Variants in RIPOR2 observed in about 807,000 individuals in gnomAD.
The protein encoded by RIPOR2 is RHO family interacting cell polarization regulator 2.
Under a neutral mutation model 114.5 loss-of-function variants are expected in RIPOR2, and 39 were observed. That is an observed-to-expected ratio of 0.34 (90% CI 0.26 to 0.44). The LOEUF is 0.44. Ranked by LOEUF, RIPOR2 falls within the 20% of genes least tolerant of loss-of-function variation. The probability of loss-of-function intolerance (pLI) is 1.00; values close to 1 mark genes in which losing one functional copy is unlikely to be tolerated. For missense variants in RIPOR2, 1,007 were observed against 1,255.1 expected, an observed-to-expected ratio of 0.80 and a Z score of 2.99; for synonymous variants, 445 against 484.4, an observed-to-expected ratio of 0.92 and a Z score of 1.07.
chr6:25,031,719 A>G (rs536501612), intron 1 of RIPOR2, among the ~76,000 whole-genome samples: 22 of 96,080 alleles, frequency 2.3e-4, no homozygotes, highest in South Asian at 9.2e-4. Context: ...ATATATATAT[A>G]TATATATATA....
chr6:24,868,418 T>C (rs574755580), intron 6 of RIPOR2, among the ~76,000 whole-genome samples: 2 of 152,240 alleles, frequency 1.3e-5, no homozygotes, highest in South Asian at 2.1e-4. Flanking sequence ...CAGGAATTGA[T>C]AATGGTGTGA....
chr6:24,937,520 T>C (rs906586448), upstream of RIPOR2, among the ~76,000 whole-genome samples: 2 of 152,190 alleles, frequency 1.3e-5, no homozygotes, highest in African/African-American at 4.8e-5. Flanking sequence ...ACTTGAATGA[T>C]GTTTCTGGAC....
In RIPOR2 at chr6:24,872,946, C is replaced by T; in HGVS notation, c.358G>A (p.Val120Ile). 1 of 1,607,530 alleles carries T rather than the reference C, an allele frequency of 6.2e-7. No individual in the cohort carries two copies. The highest frequency in any genetic ancestry group is 8.5e-7 in the Non-Finnish European group (1 of 1,174,264). Reference protein sequence around the residue: ...LKNGLDEYLEVHQTELDKLTA... With the variant: ...LKNGLDEYLEIHQTELDKLTA... ...AACTTGTCCAGCTCCGTCTGGTGAA[C>T]CTCCAGATATTCACTGCAAAGATAA... Residue 120 changes from valine to isoleucine, a missense_variant, in exon 4 of 22, where the codon GTT becomes ATT. Coordinates refer to ENST00000643898, the MANE Select transcript of RIPOR2 (RefSeq NM_001286445.3).
At chr6:24,939,181 G>A (rs1418946991), upstream of RIPOR2, among the ~76,000 whole-genome samples, 1 of 152,154 alleles carries the variant, frequency 6.6e-6, no homozygotes, top group African/African-American at 2.4e-5. Flanking sequence ...TTGGTAAGTG[G>A]TAGAGGTACT....
At chr6:24,879,872 TG>T (rs1766188828) in intron 1 of RIPOR2, among the ~76,000 whole-genome samples, 1 of 152,208 alleles carries the variant, frequency 6.6e-6, no homozygotes, top group Non-Finnish European at 1.5e-5. Flanking sequence ...CCCAAAGACC[TG>T]GTCTGTCCCC....
At chr6:24,864,054 C>T (rs924614813) in intron 7 of RIPOR2, among the ~76,000 whole-genome samples, 3 of 152,206 alleles carry the variant, frequency 2.0e-5, no homozygotes, top group African/African-American at 7.2e-5. Context: ...GTAATCCCAG[C>T]ACTTTGGGAG....
chr6:25,022,265 C>T (rs928198226), intron 1 of RIPOR2, among the ~76,000 whole-genome samples: 1 of 152,124 alleles, frequency 6.6e-6, no homozygotes, highest in African/African-American at 2.4e-5. Flanking sequence ...ACCAATGATT[C>T]GCTTTCTGTC....
At chr6:24,911,107 G>T (rs568601738) in intron 1 of RIPOR2, 169 of 396,244 alleles carry the variant, frequency 4.3e-4, no homozygotes, top group Admixed American at 5.1e-4. Context: ...GCGGCGGAGC[G>T]GGCGGAGGGG....
chr6:25,031,733 ATATATATATATATATAT>A (rs1561855799), intron 1 of RIPOR2, among the ~76,000 whole-genome samples: 1,232 of 109,914 alleles, frequency 0.011, 33 homozygotes, highest in Non-Finnish European at 0.017. Flanking sequence ...ATATATATAT[ATATATATATATATATAT>A]AAAATATCCA....
chr6:24,902,529 T>C (rs1405438865), intron 1 of RIPOR2, among the ~76,000 whole-genome samples: 1 of 152,162 alleles, frequency 6.6e-6, no homozygotes, highest in African/African-American at 2.4e-5. Flanking sequence ...TTTCCTTCTC[T>C]TTTTCTCCAT....
intron 1 of RIPOR2, chr6:24,898,560 T>C (rs919250555): frequency 6.6e-6 from 1 of 152,360 alleles, no homozygotes; most frequent in East Asian, 1.9e-4. Context: ...TTTGGATCTT[T>C]AGAGAGCTTG....
At chr6:24,862,702 T>C (rs1764183161) in intron 7 of RIPOR2, among the ~76,000 whole-genome samples, 1 of 152,166 alleles carries the variant, frequency 6.6e-6, no homozygotes, top group South Asian at 2.1e-4. Flanking sequence ...TATGCTATCA[T>C]GCATGTCAGG....
At chr6:24,923,067 G>T (rs377040133) in intron 1 of RIPOR2, among the ~76,000 whole-genome samples, 4 of 151,906 alleles carry the variant, frequency 2.6e-5, no homozygotes, top group Non-Finnish European at 4.4e-5. Context: ...GGCAACCACC[G>T]TCTATTTATT....
intron 2 of RIPOR2, 105 bp downstream of exon 2, chr6:24,875,586 C>A (rs2255337): frequency 1.6e-5 from 16 of 1,025,626 alleles, no homozygotes; most frequent in Middle Eastern, 6.3e-4. Context: ...GGGAGGAGGC[C>A]GGGGGGCGGT....
At chr6:24,872,554 ACTT>A (rs1449250437) in intron 4 of RIPOR2, among the ~76,000 whole-genome samples, 1 of 152,036 alleles carries the variant, frequency 6.6e-6, no homozygotes, top group Non-Finnish European at 1.5e-5. Context: ...TGCTAGGAAA[ACTT>A]CAACTTTTCA....
chr6:24,842,041 A>G lies in RIPOR2; in HGVS notation c.1857+821T>C, dbSNP rs1468710777. Among the ~76,000 whole-genome samples the G allele has an allele frequency of 2.6e-5, 4 of 152,192 alleles. No individual in the cohort carries two copies. The South Asian group carries it at 6.2e-4, about 24-fold the overall frequency. On this transcript the variant is annotated intron_variant, in intron 13 of 21. Transcript: ENST00000643898. Reference sequence around the variant, plus strand: ...CCCAAAGAACTGCTCTTTTAAGAAAAAGGATCTGAGTTCTCTTTTCTTTTA... The same window carrying G: ...CCCAAAGAACTGCTCTTTTAAGAAAGAGGATCTGAGTTCTCTTTTCTTTTA...
At chr6:24,809,418 T>C (rs953010845) in intron 21 of RIPOR2, among the ~76,000 whole-genome samples, 10 of 152,346 alleles carry the variant, frequency 6.6e-5, no homozygotes, top group Admixed American at 6.5e-4. Context: ...TTGCCTTTGC[T>C]TTATGGTTTG....
Position 24,804,700 on chromosome 6 carries a change from G to A in RIPOR2, c.*1673C>T, listed in dbSNP as rs1415232956. ...AACAATTTGCACTTTGAAATGAAAT[G>A]AGTCCTTTTTAAAAGTCTTGCTAAA... On this transcript the variant is annotated 3_prime_UTR_variant, in exon 22 of 22. Transcript: ENST00000643898. The A allele has an allele frequency of 6.6e-6, 1 of 152,108 alleles. No individual in the cohort carries two copies. The highest frequency in any genetic ancestry group is 1.5e-5 in the Non-Finnish European group (1 of 68,008). 9.4% of individuals were successfully genotyped at this position (152,108 alleles called of 1,614,324 possible). A position where few individuals can be genotyped will look rare whatever the true frequency, so the allele number is the denominator to read the frequency against.
At chr6:24,978,563 T>C (rs1304616962) in intron 1 of RIPOR2, among the ~76,000 whole-genome samples, 2 of 152,208 alleles carry the variant, frequency 1.3e-5, no homozygotes, top group African/African-American at 2.4e-5. Flanking sequence ...GTACAATCTC[T>C]GAAATTCCAT....
Sources: allele counts gnomAD v4.1 joint callset (sites outside exome capture counted in the v4.1 genomes callset), GRCh38; gene constraint gnomAD v4.1.1; transcripts MANE v1.5; gene names NCBI Gene and HGNC (gene_info 2026-07-23, HGNC 2026-07-21).